GRIK3: variants seen among roughly 807,000 people sequenced by gnomAD.
GRIK3 encodes the protein glutamate receptor ionotropic, kainate 3.
Under a neutral mutation model 102.5 loss-of-function variants are expected in GRIK3, and 29 were observed. The observed-to-expected ratio is 0.28, with a 90% CI of 0.21 to 0.39. The LOEUF is 0.39. GRIK3 is among the 10% of genes least tolerant of loss of function. The pLI is 1.00. For missense variants in GRIK3, 908 were observed against 1,252.4 expected (o/e 0.73, Z 4.15); for synonymous variants, 511 against 504.9 (o/e 1.01, Z -0.16).
chr1:36,945,817 T>C (rs933001988), intron 1 of GRIK3, among the ~76,000 whole-genome samples: 5 of 152,190 alleles, frequency 3.3e-5, no homozygotes, highest in African/African-American at 1.2e-4. Flanking sequence ...AGCTGATGAA[T>C]GGGGACTCTG....
intron 1 of GRIK3, among the ~76,000 whole-genome samples, chr1:36,953,230 C>G (rs1278419003): frequency 6.6e-6 from 1 of 152,218 alleles, no homozygotes; most frequent in Admixed American, 6.5e-5. Flanking sequence ...TCAGGAGGAG[C>G]TGCCCTTGGG....
At chr1:36,817,014 G>C (rs200071265) in intron 13 of GRIK3, 46 bp downstream of exon 13, 263 of 1,352,242 alleles carry the variant, frequency 1.9e-4, no homozygotes, top group Non-Finnish European at 2.6e-4. Flanking sequence ...AAAGGGTCCG[G>C]AGAGGATCAG....
intron 1 of GRIK3, among the ~76,000 whole-genome samples, chr1:37,008,776 T>G (rs1028783280): frequency 3.9e-5 from 6 of 152,204 alleles, no homozygotes; most frequent in Non-Finnish European, 8.8e-5. Flanking sequence ...GTCAGAAAAT[T>G]CTGACATACT....
intron 10 of GRIK3, among the ~76,000 whole-genome samples, chr1:36,827,858 C>A (rs760666674): frequency 1.3e-5 from 2 of 152,032 alleles, no homozygotes; most frequent in Non-Finnish European, 2.9e-5. Context: ...GCCCCCACAC[C>A]CCATCACTGA....
At chr1:36,885,026 A>T (rs1641022494) in intron 2 of GRIK3, among the ~76,000 whole-genome samples, 1 of 152,260 alleles carries the variant, frequency 6.6e-6, no homozygotes, top group South Asian at 2.1e-4. Flanking sequence ...GACTGTGAGG[A>T]TTATGACAAA....
intron 1 of GRIK3, among the ~76,000 whole-genome samples, chr1:36,981,198 C>T (rs12130438): frequency 0.064 from 9,752 of 152,316 alleles, 341 homozygotes; most frequent in Middle Eastern, 0.092. Context: ...CTCTGCTACC[C>T]TGAGTTGCCT....
At chr1:37,008,989 A>G (rs1056763999) in intron 1 of GRIK3, among the ~76,000 whole-genome samples, 1 of 152,072 alleles carries the variant, frequency 6.6e-6, no homozygotes, top group Non-Finnish European at 1.5e-5. Flanking sequence ...AGTCAAATCC[A>G]ATCTCCACCA....
chr1:36,816,990 C>T, intron 13 of GRIK3, 70 bp downstream of exon 13: 1 of 1,087,806 alleles, frequency 9.2e-7, no homozygotes. Flanking sequence ...ACCCCCTTTC[C>T]TCTTCTGCTC....
At chr1:36,943,855 GC>G (rs1641753630) in intron 1 of GRIK3, among the ~76,000 whole-genome samples, 1 of 152,240 alleles carries the variant, frequency 6.6e-6, no homozygotes, top group South Asian at 2.1e-4. Context: ...ACCCATCTCT[GC>G]CCCGTGCTGC....
At chr1:36,910,460 G>A (rs967667731) in intron 1 of GRIK3, among the ~76,000 whole-genome samples, 1 of 152,184 alleles carries the variant, frequency 6.6e-6, no homozygotes, top group East Asian at 1.9e-4. Flanking sequence ...TGGGCTGGAA[G>A]ATCCAGGCTC....
rs2124191335 is a variant in GRIK3, at chr1:36,819,175, C to T, written c.1873+561G>A. 6.6e-6 allele frequency among the ~76,000 whole-genome samples: 1 copy of T among 152,368 alleles called. No homozygotes were observed. On this transcript the variant is annotated intron_variant, in intron 12 of 15. Coordinates refer to ENST00000373091, the MANE Select transcript of GRIK3 (RefSeq NM_000831.4). This position sits in a 1 kb window ranked among gnomAD's most constrained non-coding sequence, Gnocchi z 4.1. ...AGCACTCGGGCTGAAGTCCCCAACT[C>T]AGCCATGATCCTTCCTACTCCCAGG...
chr1:36,855,200 G>C (rs1369438923), intron 7 of GRIK3, among the ~76,000 whole-genome samples: 5 of 152,200 alleles, frequency 3.3e-5, no homozygotes, highest in African/African-American at 1.2e-4. Flanking sequence ...GGCAATGGAA[G>C]GTCTGAGTAG....
At chr1:36,955,142 T>C (rs1641890955) in intron 1 of GRIK3, among the ~76,000 whole-genome samples, 1 of 152,204 alleles carries the variant, frequency 6.6e-6, no homozygotes, top group African/African-American at 2.4e-5. Flanking sequence ...AGCTCACTGA[T>C]TTGCTGAGGC....
intron 1 of GRIK3, among the ~76,000 whole-genome samples, chr1:36,897,937 T>A (rs189058515): frequency 2.0e-5 from 3 of 152,306 alleles, no homozygotes; most frequent in Admixed American, 2.0e-4. Context: ...GTGGTGCTTA[T>A]ACACAATGGA....
intron 1 of GRIK3, among the ~76,000 whole-genome samples, chr1:36,901,459 T>C (rs1641231170): frequency 6.6e-6 from 1 of 152,218 alleles, no homozygotes; most frequent in South Asian, 2.1e-4. Context: ...TATCAACAGA[T>C]GCAGAAAATG....
chr1:36,854,204 G>A (rs1640621250), intron 7 of GRIK3, among the ~76,000 whole-genome samples: 1 of 152,220 alleles, frequency 6.6e-6, no homozygotes, highest in Non-Finnish European at 1.5e-5. Flanking sequence ...CATGTGTGCT[G>A]TGGTTAAGAA....
chr1:37,015,379 C>T (rs491965), intron 1 of GRIK3, among the ~76,000 whole-genome samples: 11 of 152,304 alleles, frequency 7.2e-5, no homozygotes, highest in African/African-American at 1.7e-4. Flanking sequence ...CCTAGAAAGC[C>T]GGAGGTTCCG....
At chr1:36,871,228 C>A (rs894161597) in intron 4 of GRIK3, among the ~76,000 whole-genome samples, 1 of 152,198 alleles carries the variant, frequency 6.6e-6, no homozygotes, top group Non-Finnish European at 1.5e-5. Flanking sequence ...CTCAAATGAG[C>A]CTTTTAAGTG....
intron 7 of GRIK3, among the ~76,000 whole-genome samples, chr1:36,856,089 G>A (rs1207781437): frequency 6.6e-6 from 1 of 152,228 alleles, no homozygotes; most frequent in African/African-American, 2.4e-5. Flanking sequence ...ATTAAAAGAT[G>A]CATCAGAGAA....
Sources: gnomAD v4.1 joint callset for allele counts (sites outside exome capture counted in the v4.1 genomes callset) on GRCh38, gnomAD v4.1.1 for gene constraint, Gnocchi (gnomAD v3.1) non-coding constraint, MANE v1.5 for transcripts, NCBI Gene and HGNC (gene_info 2026-07-23, HGNC 2026-07-21) for gene names.